DPP6: variants seen among roughly 807,000 people sequenced by gnomAD.
The protein encoded by DPP6 is dipeptidyl peptidase like 6.
Under a neutral mutation model 122.6 loss-of-function variants are expected in DPP6, and 69 were observed. That is an observed-to-expected ratio of 0.56 (90% confidence interval 0.46 to 0.69). DPP6 has a LOEUF of 0.69. DPP6 is among the 30% of genes least tolerant of loss of function. The probability of loss-of-function intolerance (pLI) is 0.00; values close to 1 mark genes in which losing one functional copy is unlikely to be tolerated. For synonymous variants in DPP6, 418 were observed against 433.1 expected (o/e 0.97, Z 0.43); for missense variants, 928 against 1,116.9 (o/e 0.83, Z 2.41).
At chr7:154,345,769 T>C (rs1037914008) in intron 1 of DPP6, among the ~76,000 whole-genome samples, 24 of 152,194 alleles carry the variant, frequency 1.6e-4, no homozygotes, top group African/African-American at 5.6e-4. Flanking sequence ...CCCTCATTTA[T>C]GGTCCCTGGA....
At chr7:153,766,250 A>G in the DPP6 span, among the ~76,000 whole-genome samples, 1 of 152,176 alleles carries the variant, frequency 6.6e-6, no homozygotes, top group East Asian at 1.9e-4. Flanking sequence ...TGAAATAGGA[A>G]CAAAGAGAAT....
At chr7:154,672,932 A>G (rs1390540298) in intron 7 of DPP6, among the ~76,000 whole-genome samples, 7 of 152,294 alleles carry the variant, frequency 4.6e-5, no homozygotes, top group Middle Eastern at 6.8e-3. Context: ...CAATAAAGCT[A>G]TACTTCCCAA....
chr7:153,891,273 C>T (rs1390088145), intron 1 of DPP6, among the ~76,000 whole-genome samples: 4 of 151,972 alleles, frequency 2.6e-5, no homozygotes, highest in African/African-American at 4.8e-5. Context: ...CCACCCGCCT[C>T]GGCCTCCCAA....
intron 16 of DPP6, among the ~76,000 whole-genome samples, chr7:154,852,064 C>A (rs1802428774): frequency 6.6e-6 from 1 of 152,200 alleles, no homozygotes; most frequent in South Asian, 2.1e-4. Flanking sequence ...GGACTCCTTG[C>A]ATTTCTGCCA....
chr7:153,796,533 A>G, the DPP6 span, among the ~76,000 whole-genome samples: 5 of 152,074 alleles, frequency 3.3e-5, no homozygotes, highest in African/African-American at 1.2e-4. Flanking sequence ...TAAACCCTTG[A>G]AATGTCTTGA....
intron 3 of DPP6, among the ~76,000 whole-genome samples, chr7:154,480,571 G>A (rs141556929): frequency 2.6e-5 from 4 of 152,136 alleles, no homozygotes; most frequent in Non-Finnish European, 2.9e-5. Flanking sequence ...TCTCCCTGAC[G>A]TTTAATATTG....
intron 1 of DPP6, among the ~76,000 whole-genome samples, chr7:153,980,933 C>A (rs1393571840): frequency 6.6e-6 from 1 of 152,090 alleles, no homozygotes; most frequent in Non-Finnish European, 1.5e-5. Context: ...AATTTCCGTT[C>A]TTTTGCATTT....
intron 2 of DPP6, among the ~76,000 whole-genome samples, chr7:154,473,372 G>A (rs1822458378): frequency 6.6e-6 from 1 of 152,180 alleles, no homozygotes; most frequent in South Asian, 2.1e-4. Flanking sequence ...CAGCGCCCGG[G>A]ATAGCTCCAT....
At chr7:154,214,187 G>A (rs1442945608) in intron 1 of DPP6, among the ~76,000 whole-genome samples, 1 of 152,188 alleles carries the variant, frequency 6.6e-6, no homozygotes, top group East Asian at 1.9e-4. Context: ...TATGTGTTTA[G>A]GTTCAGAATG....
At chr7:154,324,335 C>T (rs750398919) in intron 1 of DPP6, among the ~76,000 whole-genome samples, 20 of 152,108 alleles carry the variant, frequency 1.3e-4, no homozygotes, top group African/African-American at 3.1e-4. Context: ...TTTGCTTGTG[C>T]GCTCCCCCCT....
At chr7:153,864,360 A>C in the DPP6 span, among the ~76,000 whole-genome samples, 1 of 152,164 alleles carries the variant, frequency 6.6e-6, no homozygotes, top group African/African-American at 2.4e-5. Context: ...CGTTTTAAAA[A>C]ATATATGCTT....
chr7:154,207,848 G>A (rs111386382), intron 1 of DPP6, among the ~76,000 whole-genome samples: 5 of 151,940 alleles, frequency 3.3e-5, no homozygotes, highest in Admixed American at 6.6e-5. Context: ...CCAGCTACTC[G>A]AGAGGCTGAG....
intron 4 of DPP6, among the ~76,000 whole-genome samples, chr7:154,554,013 G>T (rs566406641): frequency 1.3e-5 from 2 of 151,900 alleles, no homozygotes; most frequent in Admixed American, 1.3e-4. Context: ...TTTCGATGTG[G>T]CTATTTAATC....
At chr7:153,758,923 G>A in the DPP6 span, among the ~76,000 whole-genome samples, 1 of 152,148 alleles carries the variant, frequency 6.6e-6, no homozygotes, top group South Asian at 2.1e-4. Flanking sequence ...CATACAGTAG[G>A]CATATGTTCA....
intron 16 of DPP6, among the ~76,000 whole-genome samples, chr7:154,851,954 A>G (rs1404828314): frequency 1.3e-5 from 2 of 152,116 alleles, no homozygotes; most frequent in Non-Finnish European, 2.9e-5. Context: ...CTCTTCTCTG[A>G]TGTCCAAGGC....
At chr7:153,974,591 A>G (rs39151) in intron 1 of DPP6, among the ~76,000 whole-genome samples, 12,816 of 152,104 alleles carry the variant, frequency 0.084, 716 homozygotes, top group East Asian at 0.25. Flanking sequence ...TTAAGCGAGA[A>G]AATCTTCCAC....
intron 1 of DPP6, among the ~76,000 whole-genome samples, chr7:153,911,401 T>G (rs1800087934): frequency 6.6e-6 from 1 of 152,240 alleles, no homozygotes; most frequent in South Asian, 2.1e-4. Flanking sequence ...GACTATTATC[T>G]GTCTCCACAG....
In DPP6 at chr7:154,539,328, G is replaced by A. The variant is rs1018889964; in HGVS notation, c.458-1204G>A. On this transcript the variant is annotated intron_variant, in intron 3 of 25. Transcript: ENST00000377770. ...TCTGATTTTAATTTGCATCATCAGAGTGTTAATGACTTTAAGAGTCTACTC... is the reference window on the plus strand; with the variant it reads ...TCTGATTTTAATTTGCATCATCAGAATGTTAATGACTTTAAGAGTCTACTC... Among the ~76,000 whole-genome samples, 4 of 152,118 alleles carry A rather than the reference G, an allele frequency of 2.6e-5. No individual in the cohort carries two copies. The East Asian group carries it at 5.8e-4, about 22-fold the overall frequency.
the DPP6 span, among the ~76,000 whole-genome samples, chr7:153,790,783 CAT>C: frequency 6.6e-6 from 1 of 152,182 alleles, no homozygotes; most frequent in South Asian, 2.1e-4. Flanking sequence ...TATTTCTCCT[CAT>C]AGTGTTATAA....
Sources: allele counts gnomAD v4.1 joint callset (sites outside exome capture counted in the v4.1 genomes callset), GRCh38; gene constraint gnomAD v4.1.1; transcripts MANE v1.5; gene names NCBI Gene and HGNC (gene_info 2026-07-23, HGNC 2026-07-21).